PPP6R1: variants seen among roughly 807,000 people sequenced by gnomAD.
PPP6R1 encodes serine/threonine-protein phosphatase 6 regulatory subunit 1.
A neutral mutation model predicts 104.6 loss-of-function variants in PPP6R1; 39 were observed. The observed-to-expected ratio is 0.37, with a 90% CI of 0.29 to 0.49. PPP6R1 has a LOEUF of 0.49. Ranked by LOEUF, PPP6R1 falls within the 20% of genes least tolerant of loss-of-function variation. PPP6R1 has a pLI of 0.98. For synonymous variants in PPP6R1, 549 were observed against 479.0 expected, an observed-to-expected ratio of 1.15 and a Z score of -1.91; for missense variants, 1,181 against 1,155.8, an observed-to-expected ratio of 1.02 and a Z score of -0.32.
Position 55,241,022 on chromosome 19 carries a change from C to A in PPP6R1, c.1219G>T (p.Val407Leu). 1 of 1,577,572 alleles carries A rather than the reference C, an allele frequency of 6.3e-7. No individual in the cohort carries two copies. The highest frequency in any genetic ancestry group is 8.6e-7 in the Non-Finnish European group (1 of 1,161,798). The change falls in exon 10 of 24, where the codon GTG becomes TTG. Residue 407 changes from valine to leucine, a missense_variant. Transcript: ENST00000412770. This position sits in a 1 kb window ranked among gnomAD's most constrained non-coding sequence, Gnocchi z 5.4. ...NFLHAQVEGC[V>L]STMLSLGPPP... ...GGCCCCAAGCTCAGCATGGTGCTCA[C>A]GCATCCCTCTACTTGGGCATGCAAG...
intron 21 of PPP6R1, among the ~76,000 whole-genome samples, chr19:55,231,153 T>C (rs77084013): frequency 0.096 from 14,659 of 152,082 alleles, 755 homozygotes; most frequent in South Asian, 0.12. Context: ...TTCTGCATGC[T>C]CTCACCCTCC....
Position 55,240,308 on chromosome 19 carries a change from A to G in PPP6R1, c.1297-8T>C. On this transcript the variant is annotated splice_polypyrimidine_tract_variant and splice_region_variant and intron_variant, in intron 10 of 23. Transcript: ENST00000412770. ...GCGGCACTGCTGCAGCAGCTGCGGG[A>G]GAGCGGGACAGGATGGCCTGGAGGG... 6.3e-7 allele frequency: 1 copy of G among 1,584,980 alleles called. No homozygotes were observed. Among genetic ancestry groups the G allele is most frequent in the Non-Finnish European group, 8.6e-7 (1 of 1,166,544 alleles).
intron 15 of PPP6R1, 68 bp from the exon 16 acceptor site, chr19:55,237,038 A>C (rs1459981549): frequency 6.8e-6 from 10 of 1,471,866 alleles, no homozygotes; most frequent in Non-Finnish European, 9.4e-6. Flanking sequence ...GACAGGCCAC[A>C]TTTCTTTCTT....
chr19:55,248,839 C>A (rs543302844), intron 1 of PPP6R1, among the ~76,000 whole-genome samples: 1 of 152,200 alleles, frequency 6.6e-6, no homozygotes, highest in Admixed American at 6.5e-5. Flanking sequence ...GCAGGTCGAA[C>A]GCCTCTTGGG....
chr19:55,249,697 C>T (rs1046877647), intron 1 of PPP6R1, among the ~76,000 whole-genome samples: 2 of 152,066 alleles, frequency 1.3e-5, no homozygotes, highest in African/African-American at 2.4e-5. Context: ...AAAAATTAGC[C>T]GGGCATGGTG....
downstream of PPP6R1, chr19:55,228,274 C>T (rs781137549): frequency 3.1e-6 from 5 of 1,612,938 alleles, no homozygotes; most frequent in South Asian, 1.1e-5. Context: ...CTGGGTGTAG[C>T]CCCCGCTTGG....
In PPP6R1 at chr19:55,252,395, G is replaced by C. The variant is rs1381797897; in HGVS notation, c.-6-5286C>G. Among the ~76,000 whole-genome samples, 6 of 116,992 alleles carry C rather than the reference G, an allele frequency of 5.1e-5. No individual in the cohort carries two copies. In the Admixed American group the frequency reaches 5.4e-4, roughly 11 times the overall value. 76.8% of individuals were successfully genotyped at this position (116,992 alleles called of 152,430 possible). A position where few individuals can be genotyped will look rare whatever the true frequency, so the allele number is the denominator to read the frequency against. Reference sequence around the variant, plus strand: ...CAGGTGCGCACCACCATTCTTGGCTGATTTTTTTTTTTTTTTTTTTTGAGA... The same window carrying C: ...CAGGTGCGCACCACCATTCTTGGCTCATTTTTTTTTTTTTTTTTTTTGAGA... On this transcript the variant is annotated intron_variant, in intron 1 of 23. Transcript: ENST00000412770.
At chr19:55,246,818 G>A (rs1176047046) in intron 2 of PPP6R1, 59 bp downstream of exon 2, 13 of 1,383,970 alleles carry the variant, frequency 9.4e-6, no homozygotes, top group South Asian at 5.6e-5. Context: ...TGAGGCTTGC[G>A]TAGTGAAGGT....
At chr19:55,258,099 G>T (rs1017757220) in intron 1 of PPP6R1, among the ~76,000 whole-genome samples, 1 of 152,246 alleles carries the variant, frequency 6.6e-6, no homozygotes, top group Non-Finnish European at 1.5e-5. Context: ...AAGACTCCTG[G>T]GGGGCCGGGG....
downstream of PPP6R1, chr19:55,229,689 C>G (rs1052878905): frequency 4.6e-5 from 7 of 152,370 alleles, no homozygotes; most frequent in African/African-American, 1.7e-4. Flanking sequence ...TGGGGGCAGA[C>G]TGGGTCAGGA....
chr19:55,242,151 GC>G lies in PPP6R1; in HGVS notation c.845+14del. 1.2e-6 allele frequency: 2 copies of G among 1,606,674 alleles called. No individual in the cohort carries two copies. The highest frequency in any genetic ancestry group is 1.7e-6 in the Non-Finnish European group (2 of 1,176,726). On this transcript the variant is annotated intron_variant, in intron 7 of 23. Transcript: ENST00000412770. ...GGATGGGCAGCATGCATGGTCTGTGGCCCGTATCCCTCACCTCGGCCTCCTG... is the reference window on the plus strand; with the variant it reads ...GGATGGGCAGCATGCATGGTCTGTGGCCGTATCCCTCACCTCGGCCTCCTG...
At chr19:55,236,522 C>T (rs1219281492) in intron 17 of PPP6R1, 121 bp downstream of exon 17, 1 of 1,148,292 alleles carries the variant, frequency 8.7e-7, no homozygotes, top group Admixed American at 3.1e-5. Context: ...CTAATACACA[C>T]ACCAATGCAG....
intron 15 of PPP6R1, chr19:55,238,940 GTT>G (rs2087423576): frequency 6.1e-6 from 1 of 164,082 alleles, no homozygotes; most frequent in Non-Finnish European, 1.3e-5. Context: ...GAAAAAAAAA[GTT>G]TTGTTACCCC....
In PPP6R1 at chr19:55,246,959, G is replaced by A. The variant is rs749052912; in HGVS notation, c.145C>T (p.Leu49=). The stretch of plus-strand genomic sequence containing the variant: ...ATTGCTTGCAGGTGGGGTGGCTGCA[G>A]CAGGAAGTCCAGCAGCTTGCGGTTG... ...VVNRKLLDFL[L]QPPHLQAMVA... is the part of the protein sequence containing the mutation. Residue 49 remains leucine, a synonymous_variant, in exon 2 of 24, where the codon CTG becomes TTG. Coordinates refer to ENST00000412770, the MANE Select transcript of PPP6R1 (RefSeq NM_014931.4). The A allele has an allele frequency of 4.1e-5, 66 of 1,613,756 alleles. No individual in the cohort carries two copies. The highest frequency in any genetic ancestry group is 1.3e-4 in the South Asian group (12 of 91,090).
Position 55,239,980 on chromosome 19 carries a change from C to T in PPP6R1, c.1477+19G>A, listed in dbSNP as rs1385322749. 6.2e-7 allele frequency: 1 copy of T among 1,608,168 alleles called. No individual in the cohort carries two copies. The highest frequency in any genetic ancestry group is 8.5e-7 in the Non-Finnish European group (1 of 1,177,586). On this transcript the variant is annotated intron_variant, in intron 12 of 23. Coordinates refer to ENST00000412770, the MANE Select transcript of PPP6R1 (RefSeq NM_014931.4). ...TCAAGCCCCCCACCTAGCCCTCAGGCCGGCCTGGGGACCCTCACCCTTCAG... is the reference window on the plus strand; with the variant it reads ...TCAAGCCCCCCACCTAGCCCTCAGGTCGGCCTGGGGACCCTCACCCTTCAG...
chr19:55,240,601 A>G (rs2087445929), intron 10 of PPP6R1, among the ~76,000 whole-genome samples: 1 of 151,874 alleles, frequency 6.6e-6, no homozygotes, highest in African/African-American at 2.4e-5. Context: ...ATACATGTTC[A>G]CATACTCGTG....
chr19:55,230,842 G>T lies in PPP6R1; in HGVS notation c.2502C>A (p.Ala834=). 1 of 1,607,236 alleles carries T rather than the reference G, an allele frequency of 6.2e-7. No individual in the cohort carries two copies. The change falls in exon 22 of 24, where the codon GCC becomes GCA. Residue 834 remains alanine (A), a synonymous_variant. Transcript: ENST00000412770. The part of the protein sequence containing the change: ...DPSTSVPASG[A]HQPPQTTEGE... ...CTTCTGTGGTCTGGGGGGGCTGGTGGGCCCCGGAGGCTGGGACAGAGGTAG... is the reference window on the plus strand; with the variant it reads ...CTTCTGTGGTCTGGGGGGGCTGGTGTGCCCCGGAGGCTGGGACAGAGGTAG...
In PPP6R1 at chr19:55,247,061, T is replaced by C. The variant is rs1291033356; in HGVS notation, c.43A>G (p.Thr15Ala). Residue 15 changes from threonine to alanine, a missense_variant, in exon 2 of 24, where the codon ACG (threonine) becomes GCG (alanine). Around this residue, in one of 2 missense-constraint regions of PPP6R1, gnomAD observed 139 missense variants for 200.1 expected, o/e 0.69. Transcript: ENST00000412770. ...FDLHTSSHLDTLLEREDLSLP... is the reference protein window; with the variant it reads ...FDLHTSSHLDALLEREDLSLP... ...CTCAGGTCCTCCCGCTCCAGCAGCG[T>C]GTCCAGGTGCGAGCTTGTGTGCAGG... The C allele has an allele frequency of 4.3e-6, 7 of 1,613,640 alleles. No individual in the cohort carries two copies. Among genetic ancestry groups the C allele is most frequent in the Non-Finnish European group, 5.1e-6 (6 of 1,179,866 alleles).
chr19:55,236,872 C>A lies in PPP6R1; in HGVS notation c.1809+41G>T, dbSNP rs376893918. 6 of 1,611,486 alleles carry A rather than the reference C, an allele frequency of 3.7e-6. No homozygotes were observed. In the Admixed American group the frequency reaches 5.0e-5, roughly 13 times the overall value. On this transcript the variant is annotated intron_variant, in intron 16 of 23. Transcript: ENST00000412770. ...GGGCCACACTGCCCACAGCCCCACA[C>A]CCCTCCACCCGCCACAACCAGGGGA...
Sources: allele counts gnomAD v4.1 joint callset (sites outside exome capture counted in the v4.1 genomes callset), GRCh38; gene constraint gnomAD v4.1.1; regional missense constraint gnomAD v4.1.1; non-coding constraint Gnocchi (gnomAD v3.1); transcripts MANE v1.5; gene names NCBI Gene and HGNC (gene_info 2026-07-23, HGNC 2026-07-21).